The following CCNT1 variants were observed in gnomAD, a reference collection of about 807,000 sequenced individuals.
The protein encoded by CCNT1 is cyclin T1, also known as cyclin-T1.
Under a neutral mutation model 67.3 loss-of-function variants are expected in CCNT1, and 18 were observed. The observed-to-expected ratio is 0.27, with a 90% confidence interval of 0.18 to 0.40. The LOEUF (loss-of-function observed/expected upper bound fraction) is 0.40. Ranked by LOEUF, CCNT1 falls within the 10% of genes least tolerant of loss-of-function variation. The probability of loss-of-function intolerance (pLI) is 1.00; values close to 1 mark genes in which losing one functional copy is unlikely to be tolerated. For missense variants in CCNT1, 744 were observed against 884.9 expected, an observed-to-expected ratio of 0.84 and a Z score of 2.02; for synonymous variants, 333 against 310.3, an observed-to-expected ratio of 1.07 and a Z score of -0.77.
In CCNT1 at chr12:48,689,308, C is replaced by T. The variant is rs1940035401; in HGVS notation, c.*3725G>A. 6.6e-6 allele frequency: 1 copy of T among 152,192 alleles called. No individual in the cohort carries two copies. Among genetic ancestry groups the T allele is most frequent in the Non-Finnish European group, 1.5e-5 (1 of 68,042 alleles). The allele number at this position is 152,192 out of a possible 1,614,324, so 9.4% of individuals were successfully genotyped here. A position where few individuals can be genotyped will look rare whatever the true frequency, so the allele number is the denominator to read the frequency against. On this transcript the variant is annotated 3_prime_UTR_variant, in exon 9 of 9. Transcript: ENST00000261900. ...TCTCACCCAAAAAGTAATTCTCATT[C>T]CAGACTACTCTATCAGGCAGGATTA...
At chr12:48,715,204 T>C (rs1432503497) in intron 1 of CCNT1, among the ~76,000 whole-genome samples, 2 of 152,202 alleles carry the variant, frequency 1.3e-5, no homozygotes, top group African/African-American at 2.4e-5. Context: ...AACTCCATAC[T>C]GACAGGATGC....
At chr12:48,702,521 A>T (rs147931875) in intron 3 of CCNT1, among the ~76,000 whole-genome samples, 11 of 152,390 alleles carry the variant, frequency 7.2e-5, no homozygotes, top group African/African-American at 2.6e-4. Flanking sequence ...GCGGTGGCTC[A>T]CGCCAGTAAT....
rs1228639674 is a variant in CCNT1, at chr12:48,689,064, T to G, written c.*3969A>C. 1 of 152,226 alleles carries G rather than the reference T, an allele frequency of 6.6e-6. No individual in the cohort carries two copies. The highest frequency in any genetic ancestry group is 1.5e-5 in the Non-Finnish European group (1 of 68,046). The allele number at this position is 152,226 out of a possible 1,614,324, so 9.4% of individuals were successfully genotyped here. A position where few individuals can be genotyped will look rare whatever the true frequency, so the allele number is the denominator to read the frequency against. On this transcript the variant is annotated 3_prime_UTR_variant, in exon 9 of 9. Coordinates refer to ENST00000261900, the MANE Select transcript of CCNT1 (RefSeq NM_001240.4). ...CTGATTACCTGATGAAGGACATACT[T>G]GCTCTGGCTTCAATTAGCATGCTGT...
Position 48,699,800 on chromosome 12 carries a change from T to TA in CCNT1, c.473dup (p.Cys160ValfsTer29). 6.2e-7 allele frequency: 1 copy of TA among 1,609,964 alleles called. No individual in the cohort carries two copies. Among genetic ancestry groups the TA allele is most frequent in the Non-Finnish European group, 8.5e-7 (1 of 1,177,256 alleles). On this transcript the variant is annotated frameshift_variant, in exon 5 of 9. Transcript: ENST00000261900. LOFTEE classifies it high-confidence loss of function. Reference sequence around the variant, plus strand: ...TACCTCGAACAAGTTGAGTGCACTTTACTACATGAGTATGTGGGTGATCAA... The same window carrying TA: ...TACCTCGAACAAGTTGAGTGCACTTTAACTACATGAGTATGTGGGTGATCAA...
chr12:48,710,924 G>T (rs1940439302), intron 2 of CCNT1, among the ~76,000 whole-genome samples: 1 of 152,138 alleles, frequency 6.6e-6, no homozygotes, highest in Non-Finnish European at 1.5e-5. Context: ...AGCTGGGTGT[G>T]GTGGCAGGCG....
At chr12:48,709,671 A>C (rs1940418991) in intron 2 of CCNT1, among the ~76,000 whole-genome samples, 1 of 152,208 alleles carries the variant, frequency 6.6e-6, no homozygotes, top group Non-Finnish European at 1.5e-5. Context: ...TACATGATAA[A>C]GGCAAGCTGT....
chr12:48,698,866 G>C (rs1476861765), intron 5 of CCNT1, among the ~76,000 whole-genome samples: 1 of 151,804 alleles, frequency 6.6e-6, no homozygotes, highest in East Asian at 2.0e-4. Flanking sequence ...TGAGGCAGGA[G>C]AATCGCTTGA....
At position 48,688,566 on chromosome 12, in the gene CCNT1, C is replaced by A. The variant is rs535909125; in HGVS notation, c.*4467G>T. ...TAGCCAGACTATAAAATGTATACAT[C>A]CTTTTTAAATTTTTTGAATTTTTTT... is the stretch of plus-strand genomic sequence containing the variant. On this transcript the variant is annotated 3_prime_UTR_variant, in exon 9 of 9. Transcript: ENST00000261900. 1.8e-4 allele frequency: 27 copies of A among 152,226 alleles called. No individual in the cohort carries two copies. Among genetic ancestry groups the A allele is most frequent in the Non-Finnish European group, 3.1e-4 (21 of 68,010 alleles). The allele number at this position is 152,226 out of a possible 1,614,324, so 9.4% of individuals were successfully genotyped here.
chr12:48,702,233 T>G lies in CCNT1; in HGVS notation c.373-1160A>C, dbSNP rs1383964168. On this transcript the variant is annotated intron_variant, in intron 3 of 8. Coordinates refer to ENST00000261900, the MANE Select transcript of CCNT1 (RefSeq NM_001240.4). ...ATTTTTCAACATCACCAAAATACAT[T>G]TGCAGAACCTTCCTACAGTACTGTA... 1.3e-5 allele frequency among the ~76,000 whole-genome samples: 2 copies of G among 152,244 alleles called. 1 individual carries two copies. The highest frequency in any genetic ancestry group is 2.9e-5 in the Non-Finnish European group (2 of 68,040).
chr12:48,705,287 G>A (rs867059890), intron 3 of CCNT1, among the ~76,000 whole-genome samples: 2 of 144,904 alleles, frequency 1.4e-5, no homozygotes, highest in African/African-American at 2.5e-5. Flanking sequence ...GTTTTTTGTT[G>A]TTGTTGTTGT....
chr12:48,703,271 T>G (rs113210447), intron 3 of CCNT1, among the ~76,000 whole-genome samples: 292 of 151,204 alleles, frequency 1.9e-3, no homozygotes, highest in Middle Eastern at 0.014. Context: ...AACGAGATTC[T>G]GTCTCAAAAA....
At position 48,693,630 on chromosome 12, in the gene CCNT1, G is replaced by C; in HGVS notation, c.1584C>G (p.His528Gln). 6.2e-7 allele frequency: 1 copy of C among 1,614,204 alleles called. No individual in the cohort carries two copies. Among genetic ancestry groups the C allele is most frequent in the Non-Finnish European group, 8.5e-7 (1 of 1,180,044 alleles). ...HHHHNHHSHK[H>Q]SHSQLPVGTG... ...TACCAACTGGAAGTTGGGAATGAGA[G>C]TGCTTGTGTGAGTGGTGATTATGAT... The change falls in exon 9 of 9, where the codon CAC becomes CAG. Residue 528 changes from histidine (H) to glutamine (Q), a missense_variant. Around this residue, in one of 3 missense-constraint regions of CCNT1, gnomAD observed 564 missense variants for 574.2 expected, o/e 0.98. Coordinates refer to ENST00000261900, the MANE Select transcript of CCNT1 (RefSeq NM_001240.4).
chr12:48,693,294 A>AT lies in CCNT1; in HGVS notation c.1919dup (p.Asp640GlufsTer2). The AT allele has an allele frequency of 3.1e-6, 5 of 1,614,154 alleles. No homozygotes were observed. The highest frequency in any genetic ancestry group is 4.2e-6 in the Non-Finnish European group (5 of 1,180,018). On this transcript the variant is annotated frameshift_variant, in exon 9 of 9. Transcript: ENST00000261900. LOFTEE classifies it high-confidence loss of function. ...GACCATTGGCCCCAGTGGGCCCTTT[A>AT]TCCAGTTTCGAATGAGGGACACGAG...
chr12:48,716,440 C>A (rs11168699), intron 1 of CCNT1, 75 bp downstream of exon 1: 398,469 of 1,399,418 alleles, frequency 0.28, 62,532 homozygotes, highest in Non-Finnish European at 0.33. Context: ...TCGTCCCCCC[C>A]ACAGAGCCTG....
chr12:48,707,885 C>A (rs989888476), intron 2 of CCNT1, among the ~76,000 whole-genome samples: 3 of 151,750 alleles, frequency 2.0e-5, no homozygotes, highest in Non-Finnish European at 4.4e-5. Context: ...TGGTGAAACC[C>A]CGTCTCTACT....
rs1350655054 is a variant in CCNT1, at chr12:48,691,271, T to G, written c.*1762A>C. On this transcript the variant is annotated 3_prime_UTR_variant, in exon 9 of 9. Transcript: ENST00000261900. ...TCATCAATTCCAACAGCCACAATTT[T>G]CTTCCCAACCTGTTCCTGGCAAGTA... 2 of 152,224 alleles carry G rather than the reference T, an allele frequency of 1.3e-5. No homozygotes were observed. The highest frequency in any genetic ancestry group is 4.8e-5 in the African/African-American group (2 of 41,456). The allele number at this position is 152,224 out of a possible 1,614,324, so 9.4% of individuals were successfully genotyped here.
rs1224918207 is a variant in CCNT1 at position 48,692,330 on chromosome 12, G to A, written c.*703C>T. The A allele has an allele frequency of 6.6e-6, 1 of 152,136 alleles. No homozygotes were observed. The highest frequency in any genetic ancestry group is 2.4e-5 in the African/African-American group (1 of 41,426). The allele number at this position is 152,136 out of a possible 1,614,324, so 9.4% of individuals were successfully genotyped here. A position where few individuals can be genotyped will look rare whatever the true frequency, so the allele number is the denominator to read the frequency against. On this transcript the variant is annotated 3_prime_UTR_variant, in exon 9 of 9. Coordinates refer to ENST00000261900, the MANE Select transcript of CCNT1 (RefSeq NM_001240.4). ...TGGAAAATGAAAACGGTAAGGAACA[G>A]GGAGGGAAGATAAAACATTATTTTT...
chr12:48,694,087 T>C lies in CCNT1; in HGVS notation c.1127A>G (p.Lys376Arg). Residue 376 changes from lysine (K) to arginine (R), a missense_variant, in exon 9 of 9, where the codon AAG becomes AGG. Lys to Arg is a conservative substitution (Grantham distance 26). Transcript: ENST00000261900. ...QDGSNAFISQ[K>R]QNSKSVPSAK... ...TGATGGCACACTCTTACTATTCTGC[T>C]TCTGGGAAATAAATGCATTTGAACC... 6.2e-7 allele frequency: 1 copy of C among 1,614,242 alleles called. No homozygotes were observed.
rs374791846 is a variant in CCNT1 at position 48,694,216 on chromosome 12, C to T, written c.998G>A (p.Arg333His). Reference protein sequence around the residue: ...LTSVEMLPGKRWLSSQPSFKL... With the variant: ...LTSVEMLPGKHWLSSQPSFKL... The stretch of plus-strand genomic sequence containing the variant: ...GAAAGAAGGTTGGGAGGACAGCCAA[C>T]GCTTGCCCGGCAACATCTCCACACT... Residue 333 changes from arginine (R) to histidine (H), a missense_variant, in exon 9 of 9, where the codon CGT becomes CAT. Arg to His is a conservative substitution (Grantham distance 29). Coordinates refer to ENST00000261900, the MANE Select transcript of CCNT1 (RefSeq NM_001240.4). The T allele has an allele frequency of 1.2e-5, 19 of 1,614,210 alleles. No individual in the cohort carries two copies. The African/African-American group carries it at 1.3e-4, about 11-fold the overall frequency.
Sources: allele counts gnomAD v4.1 joint callset (sites outside exome capture counted in the v4.1 genomes callset), GRCh38; gene constraint gnomAD v4.1.1; regional missense constraint gnomAD v4.1.1; transcripts MANE v1.5; gene names NCBI Gene and HGNC (gene_info 2026-07-23, HGNC 2026-07-21).